The following ZNF714 variants were observed in gnomAD, a reference collection of about 807,000 sequenced individuals.
The protein encoded by ZNF714 is zinc finger protein 714.
In ZNF714, 32 loss-of-function variants were observed where a neutral mutation model predicts 46.2. That is an observed-to-expected ratio of 0.69 (90% CI 0.52 to 0.93). The LOEUF is 0.93. Among genes scored for constraint, ZNF714 ranks in the 40% least tolerant of loss-of-function variants. The pLI, the probability that ZNF714 is intolerant of heterozygous loss-of-function variation, is 0.00. For missense variants in ZNF714, 635 were observed against 646.3 expected, an observed-to-expected ratio of 0.98 and a Z score of 0.19; for synonymous variants, 199 against 213.1, an observed-to-expected ratio of 0.93 and a Z score of 0.58.
intron 4 of ZNF714, among the ~76,000 whole-genome samples, chr19:21,102,874 G>A (rs1290153562): frequency 8.6e-5 from 13 of 151,910 alleles, no homozygotes; most frequent in Non-Finnish European, 1.5e-4. Context: ...GTGTTTTTTA[G>A]TTTTTCTTAT....
intron 4 of ZNF714, among the ~76,000 whole-genome samples, chr19:21,112,685 T>A (rs930488629): frequency 2.0e-5 from 3 of 151,820 alleles, no homozygotes; most frequent in African/African-American, 7.2e-5. Flanking sequence ...CCATTTGAGA[T>A]CTTTCTGGCT....
At chr19:21,082,400 G>T in intron 1 of ZNF714, 52 bp downstream of exon 1, 2 of 1,440,772 alleles carry the variant, frequency 1.4e-6, no homozygotes, top group Non-Finnish European at 1.9e-6. Context: ...CGGGTTGTAA[G>T]CGGTGGGAAG....
In ZNF714 at chr19:21,119,713, AAGTC is replaced by A. The variant is rs1346405678; in HGVS notation, c.*1382_*1385del. On this transcript the variant is annotated 3_prime_UTR_variant, in exon 5 of 5. Transcript: ENST00000456283. ...GTTAAAAAAAATTTAATCCATAAGTAAGTCTGTGTAAATATCAGAATTTATGGTA... is the reference window on the plus strand; with the variant it reads ...GTTAAAAAAAATTTAATCCATAAGTATGTGTAAATATCAGAATTTATGGTA... 1.3e-5 allele frequency: 2 copies of A among 152,234 alleles called. No homozygotes were observed. Among genetic ancestry groups the A allele is most frequent in the South Asian group, 2.1e-4 (1 of 4,832 alleles). The allele number at this position is 152,234 out of a possible 1,614,324, so 9.4% of individuals were successfully genotyped here. A position where few individuals can be genotyped will look rare whatever the true frequency, so the allele number is the denominator to read the frequency against.
intron 4 of ZNF714, among the ~76,000 whole-genome samples, chr19:21,116,449 T>C (rs773276468): frequency 3.9e-5 from 6 of 152,182 alleles, no homozygotes; most frequent in Non-Finnish European, 8.8e-5. Flanking sequence ...TACTTGTTTA[T>C]TAAAAAAGAA....
At chr19:21,095,836 G>A (rs1465287351) in intron 2 of ZNF714, among the ~76,000 whole-genome samples, 1 of 152,154 alleles carries the variant, frequency 6.6e-6, no homozygotes. Flanking sequence ...ACGACCTGAT[G>A]TTGGGTCTGA....
chr19:21,097,507 T>C (rs1969070739), intron 2 of ZNF714, among the ~76,000 whole-genome samples: 1 of 152,164 alleles, frequency 6.6e-6, no homozygotes, highest in African/African-American at 2.4e-5. Flanking sequence ...TTCTCTTTAT[T>C]GTTAAGTATC....
rs534788025 is a variant in ZNF714 at position 21,120,329 on chromosome 19, A to T, written c.*1997A>T. ...TGCTGGGATTACACAGGCATGAGCC[A>T]CTGCTCCTGGCAAGAGATTCTTTTT... On this transcript the variant is annotated 3_prime_UTR_variant, in exon 5 of 5. Coordinates refer to ENST00000456283, the MANE Select transcript of ZNF714 (RefSeq NM_182515.4). 6.6e-6 allele frequency: 1 copy of T among 152,312 alleles called. No individual in the cohort carries two copies. The highest frequency in any genetic ancestry group is 1.9e-4 in the East Asian group (1 of 5,182). The allele number at this position is 152,312 out of a possible 1,614,324, so 9.4% of individuals were successfully genotyped here. A position where few individuals can be genotyped will look rare whatever the true frequency, so the allele number is the denominator to read the frequency against.
intron 2 of ZNF714, among the ~76,000 whole-genome samples, chr19:21,097,960 G>A (rs1456354584): frequency 2.0e-5 from 3 of 152,080 alleles, no homozygotes; most frequent in Admixed American, 6.5e-5. Context: ...TTATCATCCA[G>A]AAAAGTATTA....
chr19:21,098,765 T>C (rs1969100249), intron 3 of ZNF714, 47 bp from the exon 4 acceptor site: 1 of 1,366,948 alleles, frequency 7.3e-7, no homozygotes, highest in Admixed American at 1.9e-5. Context: ...ACTAGGTTGG[T>C]AACTAGAGAA....
At chr19:21,106,928 G>A (rs568310305) in intron 4 of ZNF714, among the ~76,000 whole-genome samples, 1 of 152,160 alleles carries the variant, frequency 6.6e-6, no homozygotes, top group African/African-American at 2.4e-5. Context: ...CCGGGTTCAA[G>A]CGATTATCCT....
rs2884554 is a variant in ZNF714, at chr19:21,117,659, A to G, written c.995A>G (p.Lys332Arg). 1,295,822 of 1,612,438 alleles carry G rather than the reference A, an allele frequency of 0.8. 531,642 individuals carry two copies. The highest frequency in any genetic ancestry group is 0.85 in the East Asian group (38,100 of 44,718). The change falls in exon 5 of 5, where the codon AAA becomes AGA. Residue 332 changes from lysine (K) to arginine (R), a missense_variant. Physicochemically the swap from Lys to Arg is conservative, Grantham distance 26. Coordinates refer to ENST00000456283, the MANE Select transcript of ZNF714 (RefSeq NM_182515.4). ...TGGTCTTCAACCCTTACAAAACATAAAAGAATTCATACTGGAGAGAAACCC... is the reference window on the plus strand; with the variant it reads ...TGGTCTTCAACCCTTACAAAACATAGAAGAATTCATACTGGAGAGAAACCC... ...FNWSSTLTKH[K>R]RIHTGEKPYK...
rs1223453021 is a variant in ZNF714 at position 21,098,793 on chromosome 19, C to G, written c.44-19C>G. 1 of 1,571,178 alleles carries G rather than the reference C, an allele frequency of 6.4e-7. No individual in the cohort carries two copies. The highest frequency in any genetic ancestry group is 8.7e-7 in the Non-Finnish European group (1 of 1,148,190). On this transcript the variant is annotated intron_variant, in intron 3 of 4. Transcript: ENST00000456283. Reference sequence around the variant, plus strand: ...CTAGAGAATATAAGCAAGATTTATGCTATTTACTTTTAATAAAGCAGGTAT... The same window carrying G: ...CTAGAGAATATAAGCAAGATTTATGGTATTTACTTTTAATAAAGCAGGTAT...
At position 21,090,872 on chromosome 19, in the gene ZNF714, C is replaced by CT. The variant is rs56845153; in HGVS notation, c.-85+6834dup. The CT allele has an allele frequency of 3.4e-3, 178 of 52,026 alleles. 11 individuals are homozygous for CT. The highest frequency in any genetic ancestry group is 7.9e-3 in the East Asian group (11 of 1,384). 3.2% of individuals were successfully genotyped at this position (52,026 alleles called of 1,614,324 possible). A position where few individuals can be genotyped will look rare whatever the true frequency, so the allele number is the denominator to read the frequency against. ...AAGGGGTGGAATATTTATGCCTCTCCTTTTTTTTTTTTTTTTTTTTTTTTT... is the reference window on the plus strand; with the variant it reads ...AAGGGGTGGAATATTTATGCCTCTCCTTTTTTTTTTTTTTTTTTTTTTTTTT... On this transcript the variant is annotated intron_variant, in intron 2 of 4. Transcript: ENST00000456283.
At chr19:21,100,480 C>G (rs1969151525) in intron 4 of ZNF714, among the ~76,000 whole-genome samples, 1 of 151,988 alleles carries the variant, frequency 6.6e-6, no homozygotes, top group African/African-American at 2.4e-5. Flanking sequence ...TGTGGTGAGC[C>G]AAGATGGCAC....
At chr19:21,082,524 A>ACTGCTGC (rs1277423721) in intron 1 of ZNF714, among the ~76,000 whole-genome samples, 176 bp downstream of exon 1, 2 of 151,980 alleles carry the variant, frequency 1.3e-5, no homozygotes, top group African/African-American at 4.8e-5. Flanking sequence ...GGCTGCGCTG[A>ACTGCTGC]CTGCGGGATC....
intron 4 of ZNF714, among the ~76,000 whole-genome samples, chr19:21,100,108 C>T (rs1003892407): frequency 1.3e-5 from 2 of 152,128 alleles, no homozygotes. Flanking sequence ...CCCACCTTGG[C>T]CTCCCAAAGT....
At chr19:21,102,760 T>C (rs1413263815) in intron 4 of ZNF714, among the ~76,000 whole-genome samples, 1 of 152,204 alleles carries the variant, frequency 6.6e-6, no homozygotes, top group African/African-American at 2.4e-5. Context: ...TTTAAAGGTA[T>C]ATTAATGTTG....
intron 2 of ZNF714, among the ~76,000 whole-genome samples, chr19:21,086,829 A>C (rs1385367720): frequency 6.6e-6 from 1 of 152,090 alleles, no homozygotes; most frequent in Admixed American, 6.6e-5. Context: ...ACTTAATCCT[A>C]AGAGTTGTAG....
intron 4 of ZNF714, among the ~76,000 whole-genome samples, chr19:21,100,129 C>T (rs1399270811): frequency 2.0e-5 from 3 of 152,072 alleles, no homozygotes; most frequent in Non-Finnish European, 4.4e-5. Context: ...GCTGGGATTA[C>T]AGGCATGAGT....
Sources: allele counts gnomAD v4.1 joint callset (sites outside exome capture counted in the v4.1 genomes callset), GRCh38; gene constraint gnomAD v4.1.1; transcripts MANE v1.5; gene names NCBI Gene and HGNC (gene_info 2026-07-23, HGNC 2026-07-21).